SLC14A2: variants seen among roughly 807,000 people sequenced by gnomAD.
SLC14A2 encodes the protein solute carrier family 14 member 2.
A neutral mutation model predicts 104.6 loss-of-function variants in SLC14A2; 91 were observed. The ratio of observed to expected loss-of-function variants is 0.87; its 90% CI spans 0.73 to 1.04. SLC14A2 has a LOEUF of 1.04. Ranked by LOEUF, SLC14A2 falls within the 50% of genes least tolerant of loss-of-function variation. The probability of loss-of-function intolerance (pLI) is 0.00; values close to 1 mark genes in which losing one functional copy is unlikely to be tolerated. For missense variants in SLC14A2, 1,189 were observed against 1,156.0 expected, an observed-to-expected ratio of 1.03 and a Z score of -0.41; for synonymous variants, 476 against 466.4, an observed-to-expected ratio of 1.02 and a Z score of -0.27.
the SLC14A2 span, among the ~76,000 whole-genome samples, chr18:45,170,812 C>T: frequency 6.6e-6 from 1 of 152,068 alleles, no homozygotes; most frequent in African/African-American, 2.4e-5. Flanking sequence ...AAAAGGCGGC[C>T]CATGTTTTGA....
chr18:45,207,251 G>C, the SLC14A2 span, among the ~76,000 whole-genome samples: 1 of 151,620 alleles, frequency 6.6e-6, no homozygotes, highest in African/African-American at 2.4e-5. Context: ...ATTCTTGTTG[G>C]AGGAAAGGGA....
At chr18:45,195,128 G>C in the SLC14A2 span, among the ~76,000 whole-genome samples, 1 of 152,146 alleles carries the variant, frequency 6.6e-6, no homozygotes, top group African/African-American at 2.4e-5. Context: ...TAGATCTGGA[G>C]AAAGAGAGGA....
the SLC14A2 span, among the ~76,000 whole-genome samples, chr18:45,196,320 T>C: frequency 6.6e-6 from 1 of 152,172 alleles, no homozygotes; most frequent in Non-Finnish European, 1.5e-5. Context: ...TCATTCTCAT[T>C]CTCTTTCTCT....
At chr18:45,542,691 C>T (rs905330421) in intron 2 of SLC14A2, among the ~76,000 whole-genome samples, 2 of 152,102 alleles carry the variant, frequency 1.3e-5, no homozygotes, top group South Asian at 2.1e-4. Flanking sequence ...AGGCTTAGCT[C>T]AAATCTCTTA....
chr18:45,257,312 C>G (rs145744621), intron 1 of SLC14A2, among the ~76,000 whole-genome samples: 1 of 152,312 alleles, frequency 6.6e-6, no homozygotes, highest in East Asian at 1.9e-4. Flanking sequence ...TAGATAAATT[C>G]ACACGTAATA....
intron 1 of SLC14A2, among the ~76,000 whole-genome samples, chr18:45,269,186 C>G (rs192872895): frequency 6.6e-6 from 1 of 152,166 alleles, no homozygotes; most frequent in Non-Finnish European, 1.5e-5. Flanking sequence ...GCCCTCTTCA[C>G]TCAAAAGCAG....
the SLC14A2 span, among the ~76,000 whole-genome samples, chr18:45,171,762 T>C: frequency 1.3e-5 from 2 of 152,164 alleles, no homozygotes; most frequent in Non-Finnish European, 1.5e-5. Context: ...CAGATAACAG[T>C]AGGCCAAACC....
intron 10 of SLC14A2, among the ~76,000 whole-genome samples, chr18:45,650,970 C>T (rs2045727618): frequency 6.6e-6 from 1 of 152,046 alleles, no homozygotes. Flanking sequence ...AGCTCCTGAC[C>T]TTGTCAGGCT....
chr18:45,616,932 T>C (rs1419523892), intron 1 of SLC14A2, among the ~76,000 whole-genome samples: 1 of 152,026 alleles, frequency 6.6e-6, no homozygotes, highest in Non-Finnish European at 1.5e-5. Flanking sequence ...ACCCCGTCTC[T>C]ACTAAAATAC....
intron 2 of SLC14A2, among the ~76,000 whole-genome samples, chr18:45,572,001 C>A (rs561756953): frequency 2.0e-5 from 3 of 152,076 alleles, no homozygotes; most frequent in Non-Finnish European, 4.4e-5. Context: ...CATCCTGGAC[C>A]AATTAAACCA....
At chr18:45,297,150 T>C (rs766102221) in intron 1 of SLC14A2, among the ~76,000 whole-genome samples, 1 of 152,192 alleles carries the variant, frequency 6.6e-6, no homozygotes, top group Non-Finnish European at 1.5e-5. Context: ...TAACAATCAA[T>C]ATAAGAGATC....
intron 1 of SLC14A2, among the ~76,000 whole-genome samples, chr18:45,373,726 A>G (rs1249688369): frequency 6.6e-6 from 1 of 152,212 alleles, no homozygotes; most frequent in African/African-American, 2.4e-5. Context: ...GTAGTGGTTA[A>G]GTGCACAGGC....
At chr18:45,376,247 G>A (rs538710271) in intron 1 of SLC14A2, among the ~76,000 whole-genome samples, 23 of 152,224 alleles carry the variant, frequency 1.5e-4, no homozygotes. Flanking sequence ...GTATTTTGCT[G>A]AGCTCTTTGT....
At chr18:45,183,343 A>C in the SLC14A2 span, among the ~76,000 whole-genome samples, 2 of 152,190 alleles carry the variant, frequency 1.3e-5, no homozygotes, top group Admixed American at 1.3e-4. Context: ...GACCCTCAGC[A>C]GTTAACCTCA....
chr18:45,655,503 G>A (rs969756815), intron 10 of SLC14A2, among the ~76,000 whole-genome samples: 5 of 152,196 alleles, frequency 3.3e-5, no homozygotes, highest in Non-Finnish European at 7.3e-5. Context: ...ACTCTAAAGT[G>A]CCTGATTGGT....
chr18:45,347,312 G>T (rs886624324), intron 1 of SLC14A2, among the ~76,000 whole-genome samples: 1 of 151,834 alleles, frequency 6.6e-6, no homozygotes, highest in African/African-American at 2.4e-5. Context: ...TCAAGATTGT[G>T]CCACTGCACT....
At chr18:45,546,127 T>A (rs1478901289) in intron 2 of SLC14A2, among the ~76,000 whole-genome samples, 1 of 152,252 alleles carries the variant, frequency 6.6e-6, no homozygotes, top group African/African-American at 2.4e-5. Flanking sequence ...CAGCTTATGA[T>A]GCCTGTGTTA....
Position 45,551,042 on chromosome 18 carries a change from G to T in SLC14A2, c.-35+67720G>T, listed in dbSNP as rs138539258. ...TTCATTTAGATACAGAAAGATAGAT[G>T]TCCCTAGAGTAAGGAAAAACATGGG... On this transcript the variant is annotated intron_variant, in intron 2 of 20. Transcript: ENST00000586448. 2.6e-5 allele frequency among the ~76,000 whole-genome samples: 4 copies of T among 152,232 alleles called. No homozygotes were observed. In the East Asian group the frequency reaches 7.7e-4, roughly 29 times the overall value.
At chr18:45,411,296 C>G (rs1445352047) in intron 1 of SLC14A2, among the ~76,000 whole-genome samples, 2 of 152,106 alleles carry the variant, frequency 1.3e-5, no homozygotes, top group East Asian at 3.8e-4. Context: ...GGTAATCTCA[C>G]CAGAAATTGC....
Sources: allele counts gnomAD v4.1 joint callset (sites outside exome capture counted in the v4.1 genomes callset), GRCh38; gene constraint gnomAD v4.1.1; transcripts MANE v1.5; gene names NCBI Gene and HGNC (gene_info 2026-07-23, HGNC 2026-07-21).